KDM6A: variants seen among roughly 807,000 people sequenced by gnomAD.
KDM6A encodes lysine demethylase 6A, also known as lysine-specific demethylase 6A.
A neutral mutation model predicts 117.6 loss-of-function variants in KDM6A; 11 were observed. The ratio of observed to expected loss-of-function variants is 0.09; its 90% CI spans 0.06 to 0.15. The LOEUF (loss-of-function observed/expected upper bound fraction) is 0.15. Among genes scored for constraint, KDM6A ranks in the 10% least tolerant of loss-of-function variants. KDM6A has a pLI of 1.00. For missense variants in KDM6A, 799 were observed against 1,077.3 expected, an observed-to-expected ratio of 0.74 and a Z score of 3.62; for synonymous variants, 384 against 396.1, an observed-to-expected ratio of 0.97 and a Z score of 0.36.
intron 5 of KDM6A, among the ~76,000 whole-genome samples, chrX:45,014,170 A>ATG (rs1234400713): frequency 2.7e-5 from 3 of 112,063 alleles, no homozygotes; most frequent in Non-Finnish European, 5.6e-5. Context: ...TTTTATGATA[A>ATG]TGTGTGTGAC....
At chrX:44,934,969 G>A (rs2036883826) in intron 2 of KDM6A, among the ~76,000 whole-genome samples, 1 of 111,686 alleles carries the variant, frequency 9.0e-6, no homozygotes, top group African/African-American at 3.3e-5. Flanking sequence ...TTGTAAGGGT[G>A]TTCGGTAGTG....
chrX:44,966,869 CTTTT>C (rs1228583337), intron 3 of KDM6A, among the ~76,000 whole-genome samples: 4 of 88,954 alleles, frequency 4.5e-5, no homozygotes, highest in Admixed American at 2.4e-4. Flanking sequence ...CTCTCTCTCT[CTTTT>C]TTTTTTTTTT....
chrX:45,025,173 T>G (rs1474884805), intron 6 of KDM6A, among the ~76,000 whole-genome samples: 1 of 111,857 alleles, frequency 8.9e-6, no homozygotes, highest in East Asian at 2.8e-4. Flanking sequence ...CAGGATTTTT[T>G]TTTTTTTGAG....
intron 5 of KDM6A, among the ~76,000 whole-genome samples, chrX:45,011,258 G>C (rs1042960376): frequency 3.6e-5 from 4 of 111,801 alleles, no homozygotes; most frequent in East Asian, 5.6e-4. Flanking sequence ...TTCTGTTGAA[G>C]AAGGCTTAGA....
chrX:44,995,218 C>A (rs2040808168), intron 4 of KDM6A, among the ~76,000 whole-genome samples: 1 of 110,941 alleles, frequency 9.0e-6, no homozygotes, highest in Non-Finnish European at 1.9e-5. Context: ...TCCTAAGTCT[C>A]AGGGCATTTT....
At chrX:44,946,436 G>A (rs866111127) in intron 2 of KDM6A, among the ~76,000 whole-genome samples, 10 of 111,586 alleles carry the variant, frequency 9.0e-5, no homozygotes, top group African/African-American at 2.9e-4. Flanking sequence ...TGATTTTTAG[G>A]AGTTCCTTAT....
At chrX:45,047,690 T>C (rs1399667250) in intron 8 of KDM6A, among the ~76,000 whole-genome samples, 1 of 73,431 alleles carries the variant, frequency 1.4e-5, no homozygotes, top group African/African-American at 4.8e-5. Flanking sequence ...TTTTTTTTTT[T>C]TTTTTTTTTT....
chrX:44,879,158 A>C (rs1482465893), intron 2 of KDM6A, among the ~76,000 whole-genome samples: 1 of 112,441 alleles, frequency 8.9e-6, no homozygotes, highest in Non-Finnish European at 1.9e-5. Context: ...TTCTGACTTA[A>C]ATTATGTAAC....
chrX:44,899,004 G>GGTGT (rs745714866), intron 2 of KDM6A, among the ~76,000 whole-genome samples: 2,095 of 79,439 alleles, frequency 0.026, 36 homozygotes, highest in African/African-American at 0.066. Flanking sequence ...GGAGAGGGAG[G>GGTGT]GTGTGTGTGT....
In KDM6A at chrX:44,873,426, C is replaced by A; in HGVS notation, c.-126C>A. ...CGTTGGGATTTTTCGTCGCCGCCGC[C>A]CGCGGCGGAGGAGGAGGCGGCGATA... On this transcript the variant is annotated 5_prime_UTR_variant, in exon 1 of 30. Transcript: ENST00000611820. 2 of 1,001,010 alleles carry A rather than the reference C, an allele frequency of 2.0e-6. No individual in the cohort carries two copies. Among genetic ancestry groups the A allele is most frequent in the Non-Finnish European group, 2.7e-6 (2 of 734,121 alleles). The allele number at this position is 1,001,010 out of a possible 1,213,427, so 82.5% of individuals were successfully genotyped here. A position where few individuals can be genotyped will look rare whatever the true frequency, so the allele number is the denominator to read the frequency against.
chrX:44,891,933 A>G (rs1442871985), intron 2 of KDM6A, among the ~76,000 whole-genome samples: 1 of 112,601 alleles, frequency 8.9e-6, no homozygotes, highest in Non-Finnish European at 1.9e-5. Flanking sequence ...GCTTGCTTAG[A>G]CCAGTATAAG....
intron 27 of KDM6A, among the ~76,000 whole-genome samples, chrX:45,092,860 T>C (rs1441992436): frequency 9.0e-6 from 1 of 110,743 alleles, no homozygotes; most frequent in East Asian, 2.8e-4. Context: ...AGAGAACAGA[T>C]GAAGGCTAAA....
chrX:45,048,010 A>C lies in KDM6A; in HGVS notation c.655-3699A>C, dbSNP rs2043648489. 2.8e-5 allele frequency among the ~76,000 whole-genome samples: 3 copies of C among 108,321 alleles called. No homozygotes were observed. In the South Asian group the frequency reaches 1.2e-3, roughly 44 times the overall value. The allele number at this position is 108,321 out of a possible 115,157, so 94.1% of individuals were successfully genotyped here. On this transcript the variant is annotated intron_variant, in intron 8 of 29. Transcript: ENST00000611820. Reference sequence around the variant, plus strand: ...CCCCCATCTCTACTAAAAATACAAAAGATTAGCCAAGTGTGATGGCGTGCC... The same window carrying C: ...CCCCCATCTCTACTAAAAATACAAACGATTAGCCAAGTGTGATGGCGTGCC...
At chrX:44,933,632 T>C (rs752966647) in intron 2 of KDM6A, among the ~76,000 whole-genome samples, 1 of 109,039 alleles carries the variant, frequency 9.2e-6, no homozygotes, top group South Asian at 4.0e-4. Context: ...GGCTGGAGTC[T>C]AGTGATGCAA....
chrX:44,896,952 TG>T (rs2033919699), intron 2 of KDM6A, among the ~76,000 whole-genome samples: 1 of 110,750 alleles, frequency 9.0e-6, no homozygotes, highest in African/African-American at 3.3e-5. Context: ...TGTATTGGTG[TG>T]GGTGTCTTTT....
Position 44,937,331 on chromosome X carries a change from G to A in KDM6A, c.226-23953G>A, listed in dbSNP as rs147237877. On this transcript the variant is annotated intron_variant, in intron 2 of 29. Coordinates refer to ENST00000611820, the MANE Select transcript of KDM6A (RefSeq NM_001291415.2). ...GGCACACCTTGCTTTATTGTGCTTTGCATATATGTATATATGTAAACAAAC... is the reference window on the plus strand; with the variant it reads ...GGCACACCTTGCTTTATTGTGCTTTACATATATGTATATATGTAAACAAAC... Among the ~76,000 whole-genome samples, 58 of 111,360 alleles carry A rather than the reference G, an allele frequency of 5.2e-4. 1 individual carries two copies. The highest frequency in any genetic ancestry group is 4.5e-3 in the Admixed American group (47 of 10,456).
intron 2 of KDM6A, among the ~76,000 whole-genome samples, chrX:44,911,792 A>T (rs1169452440): frequency 8.9e-6 from 1 of 112,059 alleles, no homozygotes. Flanking sequence ...CGGGAGGCCG[A>T]GGCTGGCAGG....
At chrX:44,996,079 A>C (rs1240426039) in intron 4 of KDM6A, among the ~76,000 whole-genome samples, 1 of 109,511 alleles carries the variant, frequency 9.1e-6, no homozygotes, top group South Asian at 4.0e-4. Flanking sequence ...ATATTTGTTT[A>C]TTTGTTTTAA....
intron 6 of KDM6A, among the ~76,000 whole-genome samples, chrX:45,027,796 C>CT (rs753896163): frequency 0.054 from 5,333 of 99,616 alleles, 338 homozygotes; most frequent in African/African-American, 0.17. Flanking sequence ...TTTTTTGGTA[C>CT]TTTTTTTTTT....
Sources: allele counts gnomAD v4.1 joint callset (sites outside exome capture counted in the v4.1 genomes callset), GRCh38; gene constraint gnomAD v4.1.1; transcripts MANE v1.5; gene names NCBI Gene and HGNC (gene_info 2026-07-23, HGNC 2026-07-21).